Variants in UGGT1 observed in about 807,000 individuals in gnomAD.
UGGT1 encodes the protein UDP-glucose:glycoprotein glucosyltransferase 1.
In UGGT1, 107 loss-of-function variants were observed where a neutral mutation model predicts 203.9. The observed-to-expected ratio is 0.52, with a 90% CI of 0.45 to 0.62. The LOEUF is 0.62. Ranked by LOEUF, UGGT1 falls within the 20% of genes least tolerant of loss-of-function variation. UGGT1 has a pLI of 0.00. For missense variants in UGGT1, 1,673 were observed against 1,867.2 expected, an observed-to-expected ratio of 0.90 and a Z score of 1.92; for synonymous variants, 628 against 653.5, an observed-to-expected ratio of 0.96 and a Z score of 0.59.
At chr2:128,121,784 A>T (rs531119091) in intron 10 of UGGT1, among the ~76,000 whole-genome samples, 1 of 152,196 alleles carries the variant, frequency 6.6e-6, no homozygotes, top group African/African-American at 2.4e-5. Context: ...AAGACCATGC[A>T]TTGTGTGGTT....
chr2:128,109,399 G>A (rs993500809), intron 4 of UGGT1, among the ~76,000 whole-genome samples: 3 of 151,746 alleles, frequency 2.0e-5, no homozygotes. Context: ...GTAGAGATGG[G>A]GTCTCACTAT....
chr2:128,152,522 T>C (rs1241330497), intron 18 of UGGT1, among the ~76,000 whole-genome samples: 1 of 152,218 alleles, frequency 6.6e-6, no homozygotes, highest in Non-Finnish European at 1.5e-5. Flanking sequence ...ATTTAACCTT[T>C]CTGTGCCTTA....
intron 5 of UGGT1, 94 bp downstream of exon 5, chr2:128,109,840 A>C: frequency 1.0e-6 from 1 of 991,502 alleles, no homozygotes; most frequent in Non-Finnish European, 1.6e-6. Flanking sequence ...GTTTTGTATC[A>C]TTAGGTGTAA....
chr2:128,144,246 A>T (rs1689573232), intron 17 of UGGT1, among the ~76,000 whole-genome samples: 1 of 152,338 alleles, frequency 6.6e-6, no homozygotes, highest in South Asian at 2.1e-4. Flanking sequence ...TTAATTATTT[A>T]TCATTATTTA....
At chr2:128,118,015 A>C (rs1241988995) in intron 8 of UGGT1, among the ~76,000 whole-genome samples, 6 of 139,780 alleles carry the variant, frequency 4.3e-5, no homozygotes, top group South Asian at 2.3e-4. Flanking sequence ...AGAGAGAGAG[A>C]GGGAAAGAGA....
chr2:128,100,984 C>T (rs1416710967), intron 2 of UGGT1, among the ~76,000 whole-genome samples: 1 of 152,178 alleles, frequency 6.6e-6, no homozygotes, highest in Non-Finnish European at 1.5e-5. Context: ...CATGATATCC[C>T]TGGTCATTTG....
At chr2:128,183,881 C>A in intron 38 of UGGT1, 92 bp downstream of exon 38, 1 of 901,298 alleles carries the variant, frequency 1.1e-6, no homozygotes, top group Non-Finnish European at 1.8e-6. Context: ...CAGTCCTCTC[C>A]TCACAGGATG....
In UGGT1 at chr2:128,164,762, T is replaced by C. The variant is rs766104555; in HGVS notation, c.2858T>C (p.Leu953Pro). The change falls in exon 26 of 41, where the codon CTT becomes CCT. Residue 953 changes from leucine (L) to proline (P), a missense_variant. By Grantham distance (98) the Leu-to-Pro change is moderately conservative (BLOSUM62 -3). This residue lies in a region of UGGT1 where 1,073 missense variants were observed against 1,078.7 expected (regional missense o/e 0.99). Transcript: ENST00000259253. ...GACTTGGTAATGAAGGTGGATGCTC[T>C]TCTGTCAGCGCAACCAAAAGGAGAT... ...ASDLVMKVDA[L>P]LSAQPKGDPR... is the part of the protein sequence containing the mutation. 6.2e-7 allele frequency: 1 copy of C among 1,613,686 alleles called. No homozygotes were observed. The highest frequency in any genetic ancestry group is 8.5e-7 in the Non-Finnish European group (1 of 1,179,798).
intron 20 of UGGT1, among the ~76,000 whole-genome samples, 153 bp from the exon 21 acceptor site, chr2:128,156,239 G>A (rs989771209): frequency 6.6e-6 from 1 of 152,150 alleles, no homozygotes; most frequent in Admixed American, 6.5e-5. Flanking sequence ...TGTTTCTTAG[G>A]GTACTGGGAC....
intron 6 of UGGT1, 107 bp from the exon 7 acceptor site, chr2:128,115,017 A>G: frequency 3.3e-6 from 3 of 905,366 alleles, no homozygotes. Flanking sequence ...TTGAGGGCAT[A>G]ATCCGAGGTA....
intron 16 of UGGT1, among the ~76,000 whole-genome samples, chr2:128,141,560 G>A (rs897869689): frequency 1.3e-5 from 2 of 151,740 alleles, no homozygotes; most frequent in African/African-American, 4.8e-5. Context: ...AGCCAAGATC[G>A]AGCCACTGCA....
intron 19 of UGGT1, 69 bp downstream of exon 19, chr2:128,152,973 G>C (rs761788528): frequency 1.4e-4 from 230 of 1,594,878 alleles, no homozygotes; most frequent in Admixed American, 5.0e-4. Context: ...ACATTTTTCA[G>C]ATTTTAATAT....
intron 6 of UGGT1, 99 bp from the exon 7 acceptor site, chr2:128,115,025 G>A: frequency 1.0e-6 from 1 of 987,522 alleles, no homozygotes; most frequent in Non-Finnish European, 1.6e-6. Flanking sequence ...ATAATCCGAG[G>A]TAATGGCTAG....
chr2:128,183,059 A>G (rs1236466542), intron 37 of UGGT1, among the ~76,000 whole-genome samples: 1 of 152,166 alleles, frequency 6.6e-6, no homozygotes, highest in Non-Finnish European at 1.5e-5. Flanking sequence ...TGAATAATCT[A>G]CTAAATAATT....
At chr2:128,184,166 C>T (rs1691859672) in intron 38 of UGGT1, among the ~76,000 whole-genome samples, 1 of 152,054 alleles carries the variant, frequency 6.6e-6, no homozygotes, top group Non-Finnish European at 1.5e-5. Flanking sequence ...GCTCAGGATT[C>T]GTAGTATAGA....
In UGGT1 at chr2:128,179,806, T is replaced by G. The variant is rs748392363; in HGVS notation, c.3836T>G (p.Leu1279Arg). The part of the protein sequence containing the change: ...RFLRIMMLSV[L>R]KNTKTPVKFW... ...GGCAGCATAATGATGCTATCCGTGCTGAAGAATACCAAGACTCCTGTGAAA... is the reference window on the plus strand; with the variant it reads ...GGCAGCATAATGATGCTATCCGTGCGGAAGAATACCAAGACTCCTGTGAAA... The change falls in exon 35 of 41, where the codon CTG becomes CGG. Residue 1279 changes from leucine (L) to arginine (R), a missense_variant. This residue lies in a region of UGGT1 where 513 missense variants were observed against 684.1 expected (regional missense o/e 0.75). Transcript: ENST00000259253. The G allele has an allele frequency of 7.4e-6, 12 of 1,613,804 alleles. No individual in the cohort carries two copies. Among genetic ancestry groups the G allele is most frequent in the Non-Finnish European group, 1.0e-5 (12 of 1,179,980 alleles).
At chr2:128,105,085 G>A (rs1297633547) in intron 3 of UGGT1, among the ~76,000 whole-genome samples, 2 of 151,254 alleles carry the variant, frequency 1.3e-5, no homozygotes, top group South Asian at 4.2e-4. Flanking sequence ...GTCTCACTGT[G>A]TTGCCCAGGC....
chr2:128,179,314 G>GT (rs1290201582), intron 34 of UGGT1, among the ~76,000 whole-genome samples: 1 of 152,190 alleles, frequency 6.6e-6, no homozygotes, highest in Admixed American at 6.5e-5. Flanking sequence ...TGTTTTCTGA[G>GT]TAAGGAGGCC....
chr2:128,110,645 G>C (rs747718269), intron 5 of UGGT1, among the ~76,000 whole-genome samples: 1 of 152,104 alleles, frequency 6.6e-6, no homozygotes, highest in African/African-American at 2.4e-5. Flanking sequence ...AAAGAACAAC[G>C]GTGTCTCCTC....
Sources: allele counts gnomAD v4.1 joint callset (sites outside exome capture counted in the v4.1 genomes callset), GRCh38; gene constraint gnomAD v4.1.1; regional missense constraint gnomAD v4.1.1; transcripts MANE v1.5; gene names NCBI Gene and HGNC (gene_info 2026-07-23, HGNC 2026-07-21).